The following TMCC2 variants were observed in gnomAD, a reference collection of about 807,000 sequenced individuals.
TMCC2 encodes the protein transmembrane and coiled-coil domain family 2.
A neutral mutation model predicts 49.4 loss-of-function variants in TMCC2; 16 were observed. The observed-to-expected ratio is 0.32, with a 90% CI of 0.22 to 0.49. TMCC2 has a LOEUF of 0.49. Ranked by LOEUF, TMCC2 falls within the 20% of genes least tolerant of loss-of-function variation. TMCC2 has a pLI of 0.99. For missense variants in TMCC2, 762 were observed against 989.8 expected, an observed-to-expected ratio of 0.77 and a Z score of 3.09; for synonymous variants, 397 against 434.1, an observed-to-expected ratio of 0.91 and a Z score of 1.06.
In TMCC2 at chr1:205,241,671, G is replaced by A. The variant is rs777290569; in HGVS notation, c.374G>A (p.Arg125His). ...CATGACTCCCCAGATGAGAAGGAGC[G>A]CTCTCCGGAGATGCATCGCGTCTCC... ...SDHDSPDEKE[R>H]SPEMHRVSYA... The change falls in exon 2 of 5, where the codon CGC (arginine) becomes CAC (histidine). Residue 125 changes from arginine (R) to histidine (H), a missense_variant. Arg to His is a conservative substitution (Grantham distance 29, BLOSUM62 0). Coordinates refer to ENST00000358024, the MANE Select transcript of TMCC2 (RefSeq NM_014858.4). This position sits in a 1 kb window ranked among gnomAD's most constrained non-coding sequence, Gnocchi z 7.3. The A allele has an allele frequency of 1.5e-5, 25 of 1,613,594 alleles. No homozygotes were observed. Among genetic ancestry groups the A allele is most frequent in the East Asian group, 4.5e-5 (2 of 44,898 alleles).
Position 205,271,221 on chromosome 1 carries a change from C to T in TMCC2, c.1784C>T (p.Ala595Val). Residue 595 changes from alanine (A) to valine (V), a missense_variant, in exon 4 of 5, where the codon GCC becomes GTC. This residue lies in a region of TMCC2 where 440 missense variants were observed against 636.7 expected (regional missense o/e 0.69). Transcript: ENST00000358024. ...CTGGCCAGCATGGAGGAGAAGGTGG[C>T]CTACCAGTCCTATGAGAGGGCACGG... The part of the protein sequence containing the change: ...QELASMEEKV[A>V]YQSYERARDI... 6.2e-7 allele frequency: 1 copy of T among 1,614,144 alleles called. No homozygotes were observed. The highest frequency in any genetic ancestry group is 8.5e-7 in the Non-Finnish European group (1 of 1,180,042).
chr1:205,269,575 C>T lies in TMCC2; in HGVS notation c.1373C>T (p.Ala458Val), dbSNP rs1661495095. 1.2e-6 allele frequency: 2 copies of T among 1,613,736 alleles called. No homozygotes were observed. Among genetic ancestry groups the T allele is most frequent in the African/African-American group, 1.3e-5 (1 of 74,938 alleles). Reference sequence around the variant, plus strand: ...GAAGATGGGCCCCCTGAGGAGGCAGCCCGGGCACTGAGCGGCAGTGCCACA... The same window carrying T: ...GAAGATGGGCCCCCTGAGGAGGCAGTCCGGGCACTGAGCGGCAGTGCCACA... The part of the protein sequence containing the change: ...PLEDGPPEEA[A>V]RALSGSATLV... The change falls in exon 3 of 5, where the codon GCC becomes GTC. Residue 458 changes from alanine to valine, a missense_variant. Transcript: ENST00000358024.
rs776743573 is a variant in TMCC2 at position 205,241,496 on chromosome 1, C to T, written c.208-9C>T. The T allele has an allele frequency of 3.1e-6, 5 of 1,612,766 alleles. No individual in the cohort carries two copies. Among genetic ancestry groups the T allele is most frequent in the East Asian group, 2.2e-5 (1 of 44,870 alleles). On this transcript the variant is annotated splice_polypyrimidine_tract_variant and intron_variant, in intron 1 of 4. Transcript: ENST00000358024. This position sits in a 1 kb window ranked among gnomAD's most constrained non-coding sequence, Gnocchi z 7.3. ...CACTCACCAGGGTTCTTCATCTCTC[C>T]CCCTTAAGAAAATCCAGCAGCTGTC...
intron 1 of TMCC2, among the ~76,000 whole-genome samples, chr1:205,233,441 T>C (rs1558640838): frequency 6.6e-6 from 1 of 152,230 alleles, no homozygotes. Flanking sequence ...GCAGGAAAGA[T>C]AATTCGAAGC....
intron 2 of TMCC2, among the ~76,000 whole-genome samples, chr1:205,258,021 G>A (rs1660948000): frequency 1.3e-5 from 2 of 152,174 alleles, no homozygotes; most frequent in South Asian, 4.1e-4. Context: ...CTAATGGAAG[G>A]GGCTAGAAGC....
chr1:205,270,795 G>T (rs1661558705), intron 3 of TMCC2, among the ~76,000 whole-genome samples: 1 of 152,164 alleles, frequency 6.6e-6, no homozygotes, highest in South Asian at 2.1e-4. Flanking sequence ...TTCATGAGCT[G>T]CGTGATCCTA....
At position 205,271,200 on chromosome 1, in the gene TMCC2, C is replaced by T. The variant is rs1164002099; in HGVS notation, c.1763C>T (p.Ala588Val). The change falls in exon 4 of 5, where the codon GCC (alanine) becomes GTC (valine). Residue 588 changes from alanine (A) to valine (V), a missense_variant. Ala to Val is a moderately conservative substitution (Grantham distance 64). Transcript: ENST00000358024. ...NEMTNLKQEL[A>V]SMEEKVAYQS... Reference sequence around the variant, plus strand: ...ATGACGAACCTGAAGCAGGAGCTGGCCAGCATGGAGGAGAAGGTGGCCTAC... The same window carrying T: ...ATGACGAACCTGAAGCAGGAGCTGGTCAGCATGGAGGAGAAGGTGGCCTAC... 1.2e-6 allele frequency: 2 copies of T among 1,614,130 alleles called. No individual in the cohort carries two copies. Among genetic ancestry groups the T allele is most frequent in the Non-Finnish European group, 1.7e-6 (2 of 1,180,046 alleles).
chr1:205,230,308 C>A, intron 1 of TMCC2: 2 of 449,030 alleles, frequency 4.5e-6, no homozygotes, highest in Non-Finnish European at 5.9e-6. Flanking sequence ...TCTGGTTCTG[C>A]CGCCGTCCTT....
chr1:205,270,442 C>A (rs1455542283), intron 3 of TMCC2, among the ~76,000 whole-genome samples: 4 of 152,202 alleles, frequency 2.6e-5, no homozygotes, highest in Admixed American at 6.5e-5. Context: ...CATCTCTCGG[C>A]CTCTCCTTCT....
chr1:205,244,452 A>C (rs12022806), intron 2 of TMCC2, among the ~76,000 whole-genome samples: 32,306 of 152,078 alleles, frequency 0.21, 3,746 homozygotes, highest in East Asian at 0.4. Flanking sequence ...CCAAAGGTGC[A>C]AGTGTTTATT....
At chr1:205,228,942 C>T (rs1440686947) in intron 1 of TMCC2, 171 bp downstream of exon 1, 1 of 1,418,186 alleles carries the variant, frequency 7.1e-7, no homozygotes, top group Non-Finnish European at 9.2e-7. Flanking sequence ...CCATTTATGC[C>T]TCTGTCTTTC....
At chr1:205,237,705 G>T (rs1463234215) in intron 1 of TMCC2, among the ~76,000 whole-genome samples, 1 of 152,226 alleles carries the variant, frequency 6.6e-6, no homozygotes, top group Non-Finnish European at 1.5e-5. Context: ...CACACCCAGG[G>T]AGAAAGACGG....
chr1:205,241,422 C>A lies in TMCC2; in HGVS notation c.208-83C>A. 1.4e-6 allele frequency: 2 copies of A among 1,428,708 alleles called. No homozygotes were observed. Among genetic ancestry groups the A allele is most frequent in the Non-Finnish European group, 1.9e-6 (2 of 1,040,108 alleles). The allele number at this position is 1,428,708 out of a possible 1,614,324, so 88.5% of individuals were successfully genotyped here. A position where few individuals can be genotyped will look rare whatever the true frequency, so the allele number is the denominator to read the frequency against. Reference sequence around the variant, plus strand: ...ATTAGCTATGCCAGTCTACCAAGGACAGACCCTTCACCTTCACCCTCCTAC... The same window carrying A: ...ATTAGCTATGCCAGTCTACCAAGGAAAGACCCTTCACCTTCACCCTCCTAC... On this transcript the variant is annotated intron_variant, in intron 1 of 4. Coordinates refer to ENST00000358024, the MANE Select transcript of TMCC2 (RefSeq NM_014858.4). This position sits in a 1 kb window ranked among gnomAD's most constrained non-coding sequence, Gnocchi z 7.3.
At chr1:205,228,829 A>T (rs997131928) in intron 1 of TMCC2, 58 bp downstream of exon 1, 2 of 1,528,238 alleles carry the variant, frequency 1.3e-6, no homozygotes, top group African/African-American at 2.8e-5. Flanking sequence ...TCGCCACCCC[A>T]CGCAGAAGTG....
Position 205,272,314 on chromosome 1 carries a change from G to C in TMCC2, c.*190G>C. The C allele has an allele frequency of 8.4e-7, 1 of 1,193,980 alleles. No homozygotes were observed. The highest frequency in any genetic ancestry group is 1.1e-6 in the Non-Finnish European group (1 of 881,230). 74.0% of individuals were successfully genotyped at this position (1,193,980 alleles called of 1,614,324 possible). ...TCCCTGTTGGCCTGAAGGGAGCTTA[G>C]AATGCAGCCCTACCTGGAGATAGTG... On this transcript the variant is annotated 3_prime_UTR_variant, in exon 5 of 5. Transcript: ENST00000358024.
At chr1:205,240,117 C>T (rs1309825837) in intron 1 of TMCC2, among the ~76,000 whole-genome samples, 2 of 152,228 alleles carry the variant, frequency 1.3e-5, no homozygotes, top group African/African-American at 4.8e-5. Context: ...CTGAGTTTTC[C>T]TCTAAGGAGC....
At chr1:205,237,784 C>T (rs1459735464) in intron 1 of TMCC2, among the ~76,000 whole-genome samples, 1 of 152,178 alleles carries the variant, frequency 6.6e-6, no homozygotes, top group Non-Finnish European at 1.5e-5. Context: ...CTAGTCCTCC[C>T]TTTTTTCCTG....
chr1:205,267,448 C>G (rs959446727), intron 2 of TMCC2, among the ~76,000 whole-genome samples: 1 of 152,120 alleles, frequency 6.6e-6, no homozygotes. Context: ...CCCTCCCATA[C>G]ATACTAAGGG....
In TMCC2 at chr1:205,270,654, A is replaced by G. The variant is rs540603939; in HGVS notation, c.1683-466A>G. 9.6e-4 allele frequency among the ~76,000 whole-genome samples: 146 copies of G among 152,328 alleles called. 2 individuals carry two copies. Among genetic ancestry groups the G allele is most frequent in the African/African-American group, 3.3e-3 (138 of 41,578 alleles). On this transcript the variant is annotated intron_variant, in intron 3 of 4. Coordinates refer to ENST00000358024, the MANE Select transcript of TMCC2 (RefSeq NM_014858.4). ...GCTAACCACTCCTCACATAACAGTC[A>G]TCTTACGCTATTTTGTGCCTTCAGA... is the stretch of plus-strand genomic sequence containing the variant.
Sources: gnomAD v4.1 joint callset for allele counts (sites outside exome capture counted in the v4.1 genomes callset) on GRCh38, gnomAD v4.1.1 for gene constraint, gnomAD v4.1.1 regional missense constraint, Gnocchi (gnomAD v3.1) non-coding constraint, MANE v1.5 for transcripts, NCBI Gene and HGNC (gene_info 2026-07-23, HGNC 2026-07-21) for gene names.